The following UROC1 variants were observed in gnomAD, a reference collection of about 807,000 sequenced individuals.
UROC1 encodes the protein urocanate hydratase 1, also known as urocanate hydratase.
A neutral mutation model predicts 89.5 loss-of-function variants in UROC1; 79 were observed. That is an observed-to-expected ratio of 0.88 (90% CI 0.74 to 1.06). The LOEUF (loss-of-function observed/expected upper bound fraction) is 1.06, where lower values mean the gene tolerates loss of function less well. UROC1 is among the 50% of genes least tolerant of loss of function. UROC1 has a pLI of 0.00. For missense variants in UROC1, 885 were observed against 907.8 expected (o/e 0.97, Z 0.32); for synonymous variants, 361 against 354.8 (o/e 1.02, Z -0.20).
rs370467927 is a variant in UROC1, at chr3:126,482,511, C to A, written c.1891-26G>T. On this transcript the variant is annotated intron_variant, in intron 19 of 19. Transcript: ENST00000290868. ...CTAGGGCAAGGAGGGGGATAGCAGT[C>A]CATGTCAACATAACCGGGCTCCCCA... 11 of 1,613,568 alleles carry A rather than the reference C, an allele frequency of 6.8e-6. No individual in the cohort carries two copies. In the African/African-American group the frequency reaches 9.3e-5, roughly 14 times the overall value.
At chr3:126,505,903 C>A (rs756057977) in intron 7 of UROC1, 42 bp downstream of exon 7, 39 of 1,612,326 alleles carry the variant, frequency 2.4e-5, no homozygotes, top group Non-Finnish European at 3.1e-5. Flanking sequence ...CTCCACCCCC[C>A]ATGCTGGGAA....
At position 126,482,143 on chromosome 3, in the gene UROC1, G is replaced by C. The variant is rs1183910514; in HGVS notation, c.*202C>G. The C allele has an allele frequency of 3.7e-5, 26 of 700,408 alleles. No individual in the cohort carries two copies. Among genetic ancestry groups the C allele is most frequent in the Non-Finnish European group, 5.6e-5 (24 of 426,430 alleles). 43.4% of individuals were successfully genotyped at this position (700,408 alleles called of 1,614,324 possible). ...CATGCAAGTGGCATGGTTGTGGACAGAGAGCTGCATGTCTCTGGGCCTCAG... is the reference window on the plus strand; with the variant it reads ...CATGCAAGTGGCATGGTTGTGGACACAGAGCTGCATGTCTCTGGGCCTCAG... On this transcript the variant is annotated 3_prime_UTR_variant, in exon 20 of 20. Coordinates refer to ENST00000290868, the MANE Select transcript of UROC1 (RefSeq NM_144639.3).
intron 18 of UROC1, among the ~76,000 whole-genome samples, chr3:126,486,845 T>C (rs1436401384): frequency 2.6e-5 from 4 of 151,998 alleles, no homozygotes; most frequent in Non-Finnish European, 5.9e-5. Context: ...CCCTTTGGAG[T>C]AGCCATGGTT....
chr3:126,504,630 C>A (rs1017681215), intron 8 of UROC1, among the ~76,000 whole-genome samples: 9 of 152,306 alleles, frequency 5.9e-5, no homozygotes, highest in African/African-American at 2.2e-4. Flanking sequence ...AAAAATAAAA[C>A]CCTATTTACA....
intron 18 of UROC1, among the ~76,000 whole-genome samples, chr3:126,483,787 T>C (rs755116867): frequency 3.9e-5 from 6 of 152,254 alleles, no homozygotes; most frequent in Non-Finnish European, 7.3e-5. Flanking sequence ...AGCTGCCCCC[T>C]CCCTGCATTC....
intron 9 of UROC1, among the ~76,000 whole-genome samples, chr3:126,502,262 TGC>T (rs1275536406): frequency 2.0e-5 from 3 of 149,838 alleles, no homozygotes; most frequent in Non-Finnish European, 3.0e-5. Context: ...TATGTGTGTG[TGC>T]GCCTGTGTGT....
At chr3:126,512,631 G>C (rs1374139286) in intron 1 of UROC1, among the ~76,000 whole-genome samples, 1 of 152,146 alleles carries the variant, frequency 6.6e-6, no homozygotes, top group African/African-American at 2.4e-5. Flanking sequence ...GCTGAGGTAG[G>C]AAGATTGCTT....
At chr3:126,485,591 A>ATT (rs372032139) in intron 18 of UROC1, among the ~76,000 whole-genome samples, 18,641 of 134,428 alleles carry the variant, frequency 0.14, 1,350 homozygotes, top group Non-Finnish European at 0.16. Flanking sequence ...TTCCCCATTT[A>ATT]TTTATTTATT....
At position 126,503,437 on chromosome 3, in the gene UROC1, T is replaced by C. The variant is rs142987395; in HGVS notation, c.902+558A>G. Among the ~76,000 whole-genome samples the C allele has an allele frequency of 1.1e-3, 174 of 152,282 alleles. 1 individual carries two copies. The East Asian group carries it at 0.029, about 25-fold the overall frequency. On this transcript the variant is annotated intron_variant, in intron 9 of 19. Transcript: ENST00000290868. Reference sequence around the variant, plus strand: ...AGCCCCCAAGGCAGTCTTCCCACCATCCCACTGAAATACCTCTGAAGACTT... The same window carrying C: ...AGCCCCCAAGGCAGTCTTCCCACCACCCCACTGAAATACCTCTGAAGACTT...
chr3:126,489,546 G>A (rs369418312), intron 16 of UROC1, among the ~76,000 whole-genome samples, 171 bp from the exon 17 acceptor site: 4 of 152,126 alleles, frequency 2.6e-5, no homozygotes, highest in Admixed American at 1.3e-4. Context: ...ATAGATTCAC[G>A]TGTGCCCGGC....
Position 126,505,609 on chromosome 3 carries a change from T to C in UROC1, c.813+92A>G, listed in dbSNP as rs1936035334. On this transcript the variant is annotated intron_variant, in intron 8 of 19. Coordinates refer to ENST00000290868, the MANE Select transcript of UROC1 (RefSeq NM_144639.3). ...GGGCAAGGAAGGATGAGAAGGGGGG[T>C]CTGTGGTGTAAGTGATCCGGGAGGA... 8 of 1,531,128 alleles carry C rather than the reference T, an allele frequency of 5.2e-6. No homozygotes were observed. In the South Asian group the frequency reaches 8.3e-5, roughly 16 times the overall value. 94.8% of individuals were successfully genotyped at this position (1,531,128 alleles called of 1,614,324 possible).
intron 18 of UROC1, 78 bp downstream of exon 18, chr3:126,488,120 C>A: frequency 6.6e-7 from 1 of 1,520,226 alleles, no homozygotes; most frequent in Non-Finnish European, 9.1e-7. Context: ...ACTTCAGGAA[C>A]CTCAGCCTGG....
At chr3:126,502,910 G>C (rs1935970936) in intron 9 of UROC1, among the ~76,000 whole-genome samples, 1 of 151,136 alleles carries the variant, frequency 6.6e-6, no homozygotes, top group Non-Finnish European at 1.5e-5. Flanking sequence ...CATTCTCTGT[G>C]TATGTATGTG....
chr3:126,482,427 A>G lies in UROC1; in HGVS notation c.1949T>C (p.Met650Thr), dbSNP rs1320500921. 4 of 1,614,028 alleles carry G rather than the reference A, an allele frequency of 2.5e-6. No homozygotes were observed. The highest frequency in any genetic ancestry group is 3.4e-6 in the Non-Finnish European group (4 of 1,180,008). ...CACCACCAAGGTGCTGTTCTCCTGC[A>G]TGGTCTGGCAGATGATCTCATAGGC... ...QKAYEIICQT[M>T]QENSTLVVTL... is the part of the protein sequence containing the mutation. Residue 650 changes from methionine to threonine, a missense_variant, in exon 20 of 20, where the codon ATG (methionine) becomes ACG (threonine). Transcript: ENST00000290868.
chr3:126,496,411 C>T (rs569740747), intron 14 of UROC1, among the ~76,000 whole-genome samples: 15 of 152,340 alleles, frequency 9.8e-5, no homozygotes, highest in African/African-American at 2.2e-4. Flanking sequence ...GAACAAAGAC[C>T]GCTGTGGGCC....
intron 17 of UROC1, among the ~76,000 whole-genome samples, chr3:126,488,848 G>C (rs1049508387): frequency 6.6e-6 from 1 of 152,232 alleles, no homozygotes; most frequent in African/African-American, 2.4e-5. Flanking sequence ...AGCGGTAAAG[G>C]CGTTTGCACC....
At chr3:126,487,216 C>T (rs1401508986) in intron 18 of UROC1, among the ~76,000 whole-genome samples, 4 of 152,178 alleles carry the variant, frequency 2.6e-5, no homozygotes, top group Admixed American at 2.6e-4. Context: ...GGGGTCAGAC[C>T]GTGGCTCCAT....
chr3:126,504,469 C>T (rs936382438), intron 8 of UROC1, among the ~76,000 whole-genome samples: 70 of 152,214 alleles, frequency 4.6e-4, no homozygotes, highest in Admixed American at 6.5e-4. Context: ...TCATAGCAGA[C>T]ACTTCCCTTC....
intron 18 of UROC1, 72 bp from the exon 19 acceptor site, chr3:126,483,540 T>C (rs1378560797): frequency 1.4e-6 from 2 of 1,450,934 alleles, no homozygotes; most frequent in Admixed American, 1.8e-5. Flanking sequence ...GAAGCCCATG[T>C]TTTGGAAGCA....
Sources: gnomAD v4.1 joint callset for allele counts (sites outside exome capture counted in the v4.1 genomes callset) on GRCh38, gnomAD v4.1.1 for gene constraint, MANE v1.5 for transcripts, NCBI Gene and HGNC (gene_info 2026-07-23, HGNC 2026-07-21) for gene names.